PDE4B: variants seen among roughly 807,000 people sequenced by gnomAD.
The protein encoded by PDE4B is 3',5'-cyclic-AMP phosphodiesterase 4B.
In PDE4B, 20 loss-of-function variants were observed where a neutral mutation model predicts 82.2. That is an observed-to-expected ratio of 0.24 (90% CI 0.17 to 0.35). The LOEUF (loss-of-function observed/expected upper bound fraction) is 0.35. Ranked by LOEUF, PDE4B falls within the 10% of genes least tolerant of loss-of-function variation. PDE4B has a pLI of 1.00. For synonymous variants in PDE4B, 320 were observed against 318.9 expected, an observed-to-expected ratio of 1.00 and a Z score of -0.04; for missense variants, 655 against 907.2, an observed-to-expected ratio of 0.72 and a Z score of 3.57.
intron 1 of PDE4B, among the ~76,000 whole-genome samples, chr1:65,818,422 C>T (rs1230740275): frequency 6.6e-6 from 1 of 151,782 alleles, no homozygotes; most frequent in African/African-American, 2.4e-5. Context: ...TCCTATTGTC[C>T]CTGTCTCTGG....
rs55952904 is a variant in PDE4B, at chr1:66,102,372, T to C, written c.282-145088T>C. Reference sequence around the variant, plus strand: ...TGAAATGTGATGAAAATGTAACTAGTACCAGACAGACTGAATTCTGTAAAT... The same window carrying C: ...TGAAATGTGATGAAAATGTAACTAGCACCAGACAGACTGAATTCTGTAAAT... On this transcript the variant is annotated intron_variant, in intron 3 of 16. Transcript: ENST00000341517. 5.8e-3 allele frequency among the ~76,000 whole-genome samples: 876 copies of C among 152,232 alleles called. 5 individuals are homozygous for C. The highest frequency in any genetic ancestry group is 0.02 in the African/African-American group (843 of 41,570).
intron 3 of PDE4B, among the ~76,000 whole-genome samples, chr1:66,138,205 G>A (rs72667490): frequency 0.1 from 15,151 of 152,194 alleles, 1,075 homozygotes; most frequent in East Asian, 0.16. Flanking sequence ...GCAATCAAAA[G>A]CCAGATGATA....
At position 66,070,967 on chromosome 1, in the gene PDE4B, A is replaced by C. The variant is rs186373833; in HGVS notation, c.281+152132A>C. Among the ~76,000 whole-genome samples, 739 of 152,158 alleles carry C rather than the reference A, an allele frequency of 4.9e-3. 9 individuals carry two copies. The highest frequency in any genetic ancestry group is 9.0e-3 in the Non-Finnish European group (614 of 67,958). On this transcript the variant is annotated intron_variant, in intron 3 of 16. Transcript: ENST00000341517. The stretch of plus-strand genomic sequence containing the variant: ...TTTAAAATATGGCATTTAATATATA[A>C]GCTATGAAAGCATTATTTTATAAAA...
At chr1:66,080,424 T>C (rs984181370) in intron 3 of PDE4B, among the ~76,000 whole-genome samples, 1 of 152,126 alleles carries the variant, frequency 6.6e-6, no homozygotes, top group Admixed American at 6.6e-5. Context: ...ACTTGAATTG[T>C]AGTATTGGGG....
At chr1:66,331,346 G>A (rs562499427) in intron 7 of PDE4B, among the ~76,000 whole-genome samples, 11 of 152,120 alleles carry the variant, frequency 7.2e-5, no homozygotes, top group Non-Finnish European at 1.3e-4. Flanking sequence ...AAAAACAGTC[G>A]TGTATATAGG....
In PDE4B at chr1:66,062,652, T is replaced by C. The variant is rs1570125604; in HGVS notation, c.281+143817T>C. ...GATTGAAAATTGTTGTAAGGTATGC[T>C]AGAGTGGAATTTCAGCCTTTGGTAG... On this transcript the variant is annotated intron_variant, in intron 3 of 16. Transcript: ENST00000341517. 3.9e-5 allele frequency among the ~76,000 whole-genome samples: 6 copies of C among 152,170 alleles called. No homozygotes were observed. In the South Asian group the frequency reaches 1.2e-3, roughly 32 times the overall value.
At position 65,989,228 on chromosome 1, in the gene PDE4B, C is replaced by T. The variant is rs531754380; in HGVS notation, c.281+70393C>T. Among the ~76,000 whole-genome samples the T allele has an allele frequency of 8.6e-4, 131 of 152,144 alleles. 1 individual carries two copies. Among genetic ancestry groups the T allele is most frequent in the African/African-American group, 2.8e-3 (115 of 41,526 alleles). ...ATTTAAAACTGAGACAGGCTGGGCA[C>T]GGTGGCTTGCACCTGTAATCTCAGT... On this transcript the variant is annotated intron_variant, in intron 3 of 16. Coordinates refer to ENST00000341517, the MANE Select transcript of PDE4B (RefSeq NM_002600.4).
chr1:66,214,078 A>G (rs1193965309), intron 3 of PDE4B, among the ~76,000 whole-genome samples: 2 of 152,200 alleles, frequency 1.3e-5, no homozygotes, highest in East Asian at 1.9e-4. Context: ...ACCTGTGGCA[A>G]GAAACACACT....
intron 3 of PDE4B, chr1:65,993,180 G>T (rs1651341313): frequency 2.0e-6 from 3 of 1,475,944 alleles, no homozygotes; most frequent in South Asian, 1.2e-5. Flanking sequence ...GTGCTTTTCA[G>T]ATTCTCGCAT....
At chr1:66,036,105 C>CT (rs1346479201) in intron 3 of PDE4B, among the ~76,000 whole-genome samples, 1 of 152,112 alleles carries the variant, frequency 6.6e-6, no homozygotes, top group Non-Finnish European at 1.5e-5. Flanking sequence ...ATGTTAAGCA[C>CT]TGTGGGCATT....
At chr1:66,361,101 T>A (rs1662726630) in intron 9 of PDE4B, among the ~76,000 whole-genome samples, 1 of 152,206 alleles carries the variant, frequency 6.6e-6, no homozygotes, top group South Asian at 2.1e-4. Context: ...AACTGAGCCC[T>A]TGCTAAAGCC....
intron 3 of PDE4B, among the ~76,000 whole-genome samples, chr1:66,115,999 T>C (rs1056701928): frequency 5.3e-5 from 8 of 152,230 alleles, no homozygotes; most frequent in Non-Finnish European, 1.0e-4. Context: ...ATTTCTTGAT[T>C]GTATTAGTGA....
chr1:66,233,308 T>G (rs1189235247), intron 3 of PDE4B, among the ~76,000 whole-genome samples: 3 of 152,228 alleles, frequency 2.0e-5, no homozygotes, highest in South Asian at 4.1e-4. Flanking sequence ...CAGTTGTCAG[T>G]AGTGCATTCT....
chr1:66,090,675 G>GCGTATA (rs1398728022), intron 3 of PDE4B, among the ~76,000 whole-genome samples: 1 of 5,338 alleles, frequency 1.9e-4, no homozygotes, highest in Non-Finnish European at 3.6e-4. Flanking sequence ...ATATGTGTAT[G>GCGTATA]TGTATATGTA....
chr1:66,199,906 A>C (rs1002813147), intron 3 of PDE4B, among the ~76,000 whole-genome samples: 2 of 152,328 alleles, frequency 1.3e-5, no homozygotes, highest in African/African-American at 2.4e-5. Flanking sequence ...TGTTTTAGAC[A>C]TGAAGTCCTT....
At chr1:65,800,694 CA>C (rs1645684241) in intron 1 of PDE4B, among the ~76,000 whole-genome samples, 1 of 152,108 alleles carries the variant, frequency 6.6e-6, no homozygotes, top group Admixed American at 6.6e-5. Context: ...AAGTATTATC[CA>C]TAAGAAAGAT....
intron 3 of PDE4B, among the ~76,000 whole-genome samples, chr1:66,155,903 T>C (rs1328441559): frequency 6.6e-6 from 1 of 152,142 alleles, no homozygotes; most frequent in Non-Finnish European, 1.5e-5. Context: ...CCTGCTTCTG[T>C]TTTTATTTCT....
At chr1:66,357,044 T>C (rs1480802878) in intron 9 of PDE4B, among the ~76,000 whole-genome samples, 1 of 152,196 alleles carries the variant, frequency 6.6e-6, no homozygotes, top group African/African-American at 2.4e-5. Flanking sequence ...TGCCCAACGA[T>C]TTTTCATTAG....
At chr1:66,095,406 G>A (rs894297179) in intron 3 of PDE4B, among the ~76,000 whole-genome samples, 3 of 151,840 alleles carry the variant, frequency 2.0e-5, no homozygotes, top group Non-Finnish European at 4.4e-5. Flanking sequence ...CGCAATTACT[G>A]TAATTCTGGA....
Sources: allele counts gnomAD v4.1 joint callset (sites outside exome capture counted in the v4.1 genomes callset), GRCh38; gene constraint gnomAD v4.1.1; transcripts MANE v1.5; gene names NCBI Gene and HGNC (gene_info 2026-07-23, HGNC 2026-07-21).